The following KIF3A variants were observed in gnomAD, a reference collection of about 807,000 sequenced individuals.
KIF3A encodes the protein kinesin family member 3A.
A neutral mutation model predicts 92.6 loss-of-function variants in KIF3A; 27 were observed. That is an observed-to-expected ratio of 0.29 (90% confidence interval 0.21 to 0.40). KIF3A has a LOEUF of 0.40. KIF3A is among the 10% of genes least tolerant of loss of function. KIF3A has a pLI of 1.00. For synonymous variants in KIF3A, 250 were observed against 275.4 expected (o/e 0.91, Z 0.92); for missense variants, 581 against 872.6 (o/e 0.67, Z 4.21).
intron 8 of KIF3A, among the ~76,000 whole-genome samples, chr5:132,711,927 G>C (rs1402264971): frequency 1.3e-5 from 2 of 152,094 alleles, no homozygotes; most frequent in Admixed American, 1.3e-4. Context: ...CAATAAAACA[G>C]ATCAGCACTA....
At chr5:132,700,813 T>C (rs1250082180) in intron 15 of KIF3A, 113 bp from the exon 16 acceptor site, 21 of 641,300 alleles carry the variant, frequency 3.3e-5, no homozygotes, top group South Asian at 2.1e-5. Context: ...CAAAACATTA[T>C]ATACTGATAT....
chr5:132,716,081 G>A, intron 7 of KIF3A, 150 bp from the exon 8 acceptor site: 1 of 849,832 alleles, frequency 1.2e-6, no homozygotes, highest in Non-Finnish European at 1.8e-6. Context: ...AGTTTCCAAA[G>A]GACACTATTA....
At position 132,693,338 on chromosome 5, in the gene KIF3A, T is replaced by G. The variant is rs879319919; in HGVS notation, c.*3296A>C. 4 of 152,474 alleles carry G rather than the reference T, an allele frequency of 2.6e-5. No homozygotes were observed. The highest frequency in any genetic ancestry group is 5.9e-5 in the Non-Finnish European group (4 of 68,032). 9.4% of individuals were successfully genotyped at this position (152,474 alleles called of 1,614,324 possible). On this transcript the variant is annotated 3_prime_UTR_variant, in exon 19 of 19. Coordinates refer to ENST00000403231, the MANE Select transcript of KIF3A (RefSeq NM_001300791.2). Reference sequence around the variant, plus strand: ...AAACACGATGATAATTTTAACATCCTATTAGTATATGTAATTGTAAGGATT... The same window carrying G: ...AAACACGATGATAATTTTAACATCCGATTAGTATATGTAATTGTAAGGATT...
At chr5:132,711,079 A>C in intron 8 of KIF3A, 22 bp from the exon 9 acceptor site, 1 of 1,604,620 alleles carries the variant, frequency 6.2e-7, no homozygotes. Context: ...ATTTAATACA[A>C]TGTTTTTTAT....
intron 8 of KIF3A, among the ~76,000 whole-genome samples, chr5:132,715,467 TACAGAG>T (rs1431475632): frequency 1.3e-5 from 2 of 152,218 alleles, no homozygotes; most frequent in Non-Finnish European, 2.9e-5. Flanking sequence ...TTTGCTCTTA[TACAGAG>T]ACAAATAAAC....
chr5:132,726,828 G>A (rs1248335565), intron 2 of KIF3A, among the ~76,000 whole-genome samples: 1 of 152,200 alleles, frequency 6.6e-6, no homozygotes, highest in Non-Finnish European at 1.5e-5. Context: ...TTAAACTGGA[G>A]AAGGCAGTAT....
intron 10 of KIF3A, among the ~76,000 whole-genome samples, chr5:132,707,199 A>G (rs757920062): frequency 5.9e-5 from 9 of 152,022 alleles, no homozygotes; most frequent in Admixed American, 1.3e-4. Context: ...ACAAACTTAC[A>G]TTCCTTCTAT....
chr5:132,726,580 C>A lies in KIF3A; in HGVS notation c.281-82G>T, dbSNP rs1017355963. The A allele has an allele frequency of 4.8e-6, 6 of 1,247,194 alleles. No homozygotes were observed. The African/African-American group carries it at 9.0e-5, about 19-fold the overall frequency. 77.3% of individuals were successfully genotyped at this position (1,247,194 alleles called of 1,614,324 possible). ...GCTCTTAAAATTAATTCCTTTGACA[C>A]TGTGATGTAATTTCTCCCCTGGATT... On this transcript the variant is annotated intron_variant, in intron 2 of 18. Transcript: ENST00000403231.
chr5:132,700,196 T>A lies in KIF3A; in HGVS notation c.2007+20A>T, dbSNP rs1353208566. 7.0e-7 allele frequency: 1 copy of A among 1,425,530 alleles called. No individual in the cohort carries two copies. Among genetic ancestry groups the A allele is most frequent in the African/African-American group, 1.4e-5 (1 of 69,708 alleles). 88.3% of individuals were successfully genotyped at this position (1,425,530 alleles called of 1,614,324 possible). On this transcript the variant is annotated intron_variant, in intron 17 of 18. Coordinates refer to ENST00000403231, the MANE Select transcript of KIF3A (RefSeq NM_001300791.2). ...ACAGTAGTTTTGTGTTTTGTTTTGT[T>A]TTTTTTTAAGTACTCTTACATCTTT...
chr5:132,729,956 C>G lies in KIF3A; in HGVS notation c.281-3458G>C, dbSNP rs151300290. ...AAATTAATAAAACCAAAAGCTGGTTCTCTGAGAAGATCGATAAGATAAACC... is the reference window on the plus strand; with the variant it reads ...AAATTAATAAAACCAAAAGCTGGTTGTCTGAGAAGATCGATAAGATAAACC... On this transcript the variant is annotated intron_variant, in intron 2 of 18. Transcript: ENST00000403231. 2.6e-5 allele frequency among the ~76,000 whole-genome samples: 4 copies of G among 152,172 alleles called. No homozygotes were observed. The East Asian group carries it at 7.7e-4, about 29-fold the overall frequency.
At chr5:132,711,819 C>T (rs1417969851) in intron 8 of KIF3A, among the ~76,000 whole-genome samples, 1 of 151,948 alleles carries the variant, frequency 6.6e-6, no homozygotes, top group East Asian at 1.9e-4. Flanking sequence ...AGGACTGTAT[C>T]ACAAGATATT....
chr5:132,727,272 G>T (rs888032104), intron 2 of KIF3A, among the ~76,000 whole-genome samples: 1 of 152,130 alleles, frequency 6.6e-6, no homozygotes, highest in Non-Finnish European at 1.5e-5. Context: ...GAGACACAGT[G>T]ACAAGACAAA....
At chr5:132,723,819 A>G (rs1005328127) in intron 4 of KIF3A, 3 of 152,224 alleles carry the variant, frequency 2.0e-5, no homozygotes, top group African/African-American at 7.2e-5. Context: ...TAAACTAAAG[A>G]GCTTCTGCAC....
chr5:132,703,294 G>T (rs1753105028), intron 12 of KIF3A, among the ~76,000 whole-genome samples, 169 bp downstream of exon 12: 1 of 151,970 alleles, frequency 6.6e-6, no homozygotes, highest in Non-Finnish European at 1.5e-5. Flanking sequence ...AACCAAAATA[G>T]ATCTAGTTTT....
chr5:132,716,736 C>T, intron 6 of KIF3A, 109 bp downstream of exon 6: 1 of 1,192,038 alleles, frequency 8.4e-7, no homozygotes. Flanking sequence ...ACAAGTAACA[C>T]CTTAAAAATC....
At chr5:132,702,860 A>C in intron 13 of KIF3A, 25 bp downstream of exon 13, 1 of 1,604,910 alleles carries the variant, frequency 6.2e-7, no homozygotes, top group Non-Finnish European at 8.5e-7. Flanking sequence ...CAAAATACCA[A>C]ACTAAAAACA....
At chr5:132,716,507 G>T in intron 6 of KIF3A, 65 bp from the exon 7 acceptor site, 3 of 1,333,654 alleles carry the variant, frequency 2.2e-6, no homozygotes, top group East Asian at 2.3e-5. Context: ...TCTTCCCAAG[G>T]TTTTATTAAA....
chr5:132,704,089 A>G (rs573841924), intron 11 of KIF3A, among the ~76,000 whole-genome samples: 35 of 152,084 alleles, frequency 2.3e-4, no homozygotes, highest in African/African-American at 7.9e-4. Flanking sequence ...ATATAGGTAT[A>G]AAATGCACAG....
chr5:132,726,578 C>G (rs960535686), intron 2 of KIF3A, 80 bp from the exon 3 acceptor site: 1 of 1,253,198 alleles, frequency 8.0e-7, no homozygotes, highest in Non-Finnish European at 1.1e-6. Context: ...ATTCCTTTGA[C>G]ACTGTGATGT....
Sources: allele counts gnomAD v4.1 joint callset (sites outside exome capture counted in the v4.1 genomes callset), GRCh38; gene constraint gnomAD v4.1.1; transcripts MANE v1.5; gene names NCBI Gene and HGNC (gene_info 2026-07-23, HGNC 2026-07-21).